The following MARK3 variants were observed in gnomAD, a reference collection of about 807,000 sequenced individuals.
MARK3 encodes microtubule affinity regulating kinase 3, also known as MAP/microtubule affinity-regulating kinase 3.
MARK3 carries 46 observed loss-of-function variants against 90.1 expected under a neutral mutation model. That is an observed-to-expected ratio of 0.51 (90% CI 0.40 to 0.65). MARK3 has a LOEUF of 0.65. Among genes scored for constraint, MARK3 ranks in the 30% least tolerant of loss-of-function variants. The pLI, the probability that MARK3 is intolerant of heterozygous loss-of-function variation, is 0.00. For missense variants in MARK3, 818 were observed against 947.2 expected (o/e 0.86, Z 1.79); for synonymous variants, 321 against 332.6 (o/e 0.97, Z 0.38).
chr14:103,459,407 T>C (rs1204518997), intron 6 of MARK3, among the ~76,000 whole-genome samples: 1 of 152,178 alleles, frequency 6.6e-6, no homozygotes, highest in African/African-American at 2.4e-5. Flanking sequence ...TGACCCTTTC[T>C]TCCATGGTAT....
chr14:103,484,084 G>A (rs375895989), intron 14 of MARK3, among the ~76,000 whole-genome samples: 26 of 151,884 alleles, frequency 1.7e-4, no homozygotes, highest in African/African-American at 2.4e-4. Context: ...ATACCCGGAC[G>A]ACACTGTTTA....
rs2075770628 is a variant in MARK3 at position 103,503,267 on chromosome 14, T to C, written c.*40T>C. The C allele has an allele frequency of 6.7e-7, 1 of 1,491,170 alleles. No individual in the cohort carries two copies. The highest frequency in any genetic ancestry group is 2.3e-5 in the East Asian group (1 of 44,014). The allele number at this position is 1,491,170 out of a possible 1,614,324, so 92.4% of individuals were successfully genotyped here. A position where few individuals can be genotyped will look rare whatever the true frequency, so the allele number is the denominator to read the frequency against. On this transcript the variant is annotated 3_prime_UTR_variant, in exon 18 of 18. Coordinates refer to ENST00000429436, the MANE Select transcript of MARK3 (RefSeq NM_001128918.3). ...TGTAAATTAAGTAGCAATTAAAGTGTTTTCCTGAACACTGATGGAAATGTA... is the reference window on the plus strand; with the variant it reads ...TGTAAATTAAGTAGCAATTAAAGTGCTTTCCTGAACACTGATGGAAATGTA...
At chr14:103,427,091 T>C (rs17617094) in intron 2 of MARK3, among the ~76,000 whole-genome samples, 42,841 of 151,696 alleles carry the variant, frequency 0.28, 7,224 homozygotes, top group Non-Finnish European at 0.36. Flanking sequence ...GGAGGAGACT[T>C]TCCCCTTGTC....
In MARK3 at chr14:103,491,507, T is replaced by A. The variant is rs1282108317; in HGVS notation, c.1587-270T>A. 7 of 380,618 alleles carry A rather than the reference T, an allele frequency of 1.8e-5. No homozygotes were observed. The East Asian group carries it at 3.5e-4, about 19-fold the overall frequency. 23.6% of individuals were successfully genotyped at this position (380,618 alleles called of 1,614,324 possible). A position where few individuals can be genotyped will look rare whatever the true frequency, so the allele number is the denominator to read the frequency against. ...AAGGGGAAAAGTTTGAGTTAGCTGT[T>A]CTCTGTCCTAGAATTTCCCTGCATT... On this transcript the variant is annotated intron_variant, in intron 14 of 17. Transcript: ENST00000429436.
intron 12 of MARK3, among the ~76,000 whole-genome samples, chr14:103,474,025 T>C (rs2093672730): frequency 7.2e-6 from 1 of 139,756 alleles, no homozygotes. Flanking sequence ...TGAAACCCCG[T>C]CTCTACTAAA....
chr14:103,448,124 G>A (rs1487115515), intron 3 of MARK3, among the ~76,000 whole-genome samples: 1 of 152,174 alleles, frequency 6.6e-6, no homozygotes. Context: ...AATTCAGCTG[G>A]TGGTTTGGCA....
chr14:103,500,912 G>A (rs528668006), intron 17 of MARK3, among the ~76,000 whole-genome samples: 45 of 152,192 alleles, frequency 3.0e-4, no homozygotes, highest in East Asian at 5.8e-4. Context: ...ATGAGCCCCC[G>A]CACCCAGCCT....
At chr14:103,431,127 GC>G (rs1420069855) in intron 3 of MARK3, among the ~76,000 whole-genome samples, 8 of 152,188 alleles carry the variant, frequency 5.3e-5, no homozygotes, top group African/African-American at 1.7e-4. Flanking sequence ...TCGCTCTGTT[GC>G]CCAGGCTGGA....
chr14:103,480,151 TGGC>T (rs1048765123), intron 13 of MARK3, among the ~76,000 whole-genome samples: 4 of 151,776 alleles, frequency 2.6e-5, no homozygotes, highest in African/African-American at 9.7e-5. Context: ...CCAAATGTGG[TGGC>T]ACATGCCTGT....
At chr14:103,414,131 TAGAA>T (rs1180333638) in intron 2 of MARK3, among the ~76,000 whole-genome samples, 1 of 152,144 alleles carries the variant, frequency 6.6e-6, no homozygotes, top group East Asian at 1.9e-4. Flanking sequence ...ATATTCCTAG[TAGAA>T]AGAAACCTAA....
At chr14:103,410,023 T>G (rs1260960820) in intron 2 of MARK3, among the ~76,000 whole-genome samples, 1 of 152,258 alleles carries the variant, frequency 6.6e-6, no homozygotes, top group African/African-American at 2.4e-5. Flanking sequence ...AAAAGTGATG[T>G]ACCTACTTTA....
Position 103,478,317 on chromosome 14 carries a change from C to G in MARK3, c.1483-2070C>G, listed in dbSNP as rs573258220. Among the ~76,000 whole-genome samples the G allele has an allele frequency of 6.3e-4, 95 of 151,426 alleles. No individual in the cohort carries two copies. In the South Asian group the frequency reaches 0.011, roughly 17 times the overall value. Reference sequence around the variant, plus strand: ...CTCAAAAAAAAAAAAAAAAAGAACACCTGTATCCCTTAAGTAATCACTTTC... The same window carrying G: ...CTCAAAAAAAAAAAAAAAAAGAACAGCTGTATCCCTTAAGTAATCACTTTC... On this transcript the variant is annotated intron_variant, in intron 13 of 17. Transcript: ENST00000429436.
chr14:103,415,745 A>G (rs1429341666), intron 2 of MARK3, among the ~76,000 whole-genome samples: 1 of 152,196 alleles, frequency 6.6e-6, no homozygotes, highest in Non-Finnish European at 1.5e-5. Flanking sequence ...TTTAAAAATT[A>G]TTTTCCTAAA....
At chr14:103,447,753 C>T (rs1273713054) in intron 3 of MARK3, among the ~76,000 whole-genome samples, 1 of 151,888 alleles carries the variant, frequency 6.6e-6, no homozygotes, top group East Asian at 1.9e-4. Context: ...CTAGGAAGCT[C>T]TGCTGGTCTT....
At chr14:103,392,145 T>C (rs184520039) in intron 1 of MARK3, among the ~76,000 whole-genome samples, 1 of 152,208 alleles carries the variant, frequency 6.6e-6, no homozygotes, top group Admixed American at 6.5e-5. Flanking sequence ...GTGAAACTGA[T>C]GATGCTGTTG....
At chr14:103,451,274 T>C (rs2093141210) in intron 4 of MARK3, among the ~76,000 whole-genome samples, 1 of 152,142 alleles carries the variant, frequency 6.6e-6, no homozygotes, top group African/African-American at 2.4e-5. Context: ...GAATTAGCAG[T>C]GATAGAAATA....
rs766126874 is a variant in MARK3 at position 103,475,205 on chromosome 14, C to T, written c.1477C>T (p.Pro493Ser). ...IPERKKSSTV[P>S]SSNTASGGMT... is the part of the protein sequence containing the mutation. ...TGAACGCAAGAAAAGCTCCACTGTCCCTAGTGTAAGTGTTGTTGAACTATA... is the reference window on the plus strand; with the variant it reads ...TGAACGCAAGAAAAGCTCCACTGTCTCTAGTGTAAGTGTTGTTGAACTATA... The change falls in exon 13 of 18, where the codon CCT becomes TCT. Residue 493 changes from proline (P) to serine (S), a missense_variant. By Grantham distance (74) the Pro-to-Ser change is moderately conservative. Transcript: ENST00000429436. The T allele has an allele frequency of 8.7e-6, 14 of 1,612,566 alleles. No individual in the cohort carries two copies. The highest frequency in any genetic ancestry group is 2.7e-5 in the African/African-American group (2 of 74,846).
intron 2 of MARK3, chr14:103,412,522 G>A: frequency 1.9e-6 from 1 of 532,364 alleles, no homozygotes; most frequent in South Asian, 1.9e-5. Context: ...CCACTTGGGG[G>A]GATATCCGTG....
At chr14:103,489,338 G>A (rs2093980282) in intron 14 of MARK3, 1 of 152,310 alleles carries the variant, frequency 6.6e-6, no homozygotes, top group Non-Finnish European at 1.5e-5. Flanking sequence ...AGCCTAGAGA[G>A]ATGGCAGGGG....
Sources: allele counts gnomAD v4.1 joint callset (sites outside exome capture counted in the v4.1 genomes callset), GRCh38; gene constraint gnomAD v4.1.1; transcripts MANE v1.5; gene names NCBI Gene and HGNC (gene_info 2026-07-23, HGNC 2026-07-21).